Variants in MYZAP observed in about 807,000 individuals in gnomAD.
MYZAP encodes GRINL1A complex locus upstream.
A neutral mutation model predicts 69.4 loss-of-function variants in MYZAP; 66 were observed. The observed-to-expected ratio is 0.95, with a 90% CI of 0.78 to 1.17. The LOEUF is 1.17. MYZAP is among the 50% of genes most tolerant of loss of function. The pLI, the probability that MYZAP is intolerant of heterozygous loss-of-function variation, is 0.00. For missense variants in MYZAP, 611 were observed against 556.2 expected (o/e 1.10, Z -0.99); for synonymous variants, 256 against 205.9 (o/e 1.24, Z -2.09).
intron 10 of MYZAP, among the ~76,000 whole-genome samples, chr15:57,652,047 T>A (rs1000440548): frequency 1.2e-4 from 19 of 152,166 alleles, no homozygotes; most frequent in Non-Finnish European, 2.1e-4. Context: ...AGGAAAAAAT[T>A]GATTAAAATA....
At chr15:57,623,802 TAA>T (rs60114009) in intron 4 of MYZAP, among the ~76,000 whole-genome samples, 2,250 of 132,710 alleles carry the variant, frequency 0.017, 29 homozygotes, top group South Asian at 0.049. Context: ...AGTTGTAAAT[TAA>T]AAAAAAAAAA....
chr15:57,647,940 C>T (rs2037527879), intron 10 of MYZAP: 1 of 985,258 alleles, frequency 1.0e-6, no homozygotes, highest in Non-Finnish European at 1.2e-6. Flanking sequence ...CCTGCCCCGC[C>T]ACCGCTTTCC....
At chr15:57,603,774 G>T (rs1490130335) in intron 1 of MYZAP, among the ~76,000 whole-genome samples, 3 of 152,060 alleles carry the variant, frequency 2.0e-5, no homozygotes, top group Non-Finnish European at 4.4e-5. Flanking sequence ...TGGCTATTGT[G>T]GATAATGCTG....
intron 8 of MYZAP, among the ~76,000 whole-genome samples, chr15:57,634,940 A>G (rs1474836142): frequency 1.3e-5 from 2 of 152,272 alleles, no homozygotes; most frequent in East Asian, 1.9e-4. Context: ...TTCCTCCCAC[A>G]TTATTGTCCT....
rs189442502 is a variant in MYZAP at position 57,683,682 on chromosome 15, C to A, written c.1305-720C>A. On this transcript the variant is annotated intron_variant, in intron 12 of 12. Transcript: ENST00000267853. ...GTTCTGAAGGCTGGGATGTCTAAGACCAAGGTGCCAGCAGATCCAGTGTTT... is the reference window on the plus strand; with the variant it reads ...GTTCTGAAGGCTGGGATGTCTAAGAACAAGGTGCCAGCAGATCCAGTGTTT... Among the ~76,000 whole-genome samples the A allele has an allele frequency of 2.0e-3, 299 of 152,254 alleles. 2 individuals carry two copies. Among genetic ancestry groups the A allele is most frequent in the African/African-American group, 7.0e-3 (289 of 41,566 alleles).
chr15:57,677,956 C>A (rs944075660), intron 12 of MYZAP, among the ~76,000 whole-genome samples: 101 of 150,756 alleles, frequency 6.7e-4, no homozygotes, highest in African/African-American at 2.2e-3. Flanking sequence ...GTATTGCCAG[C>A]ACTTTGGGAG....
intron 10 of MYZAP, chr15:57,646,762 T>TAA (rs2037468058): frequency 2.0e-6 from 2 of 985,374 alleles, no homozygotes; most frequent in South Asian, 9.4e-5. Context: ...AGGACTCTTC[T>TAA]AAGAGGAGTT....
chr15:57,602,706 C>G (rs192674515), intron 1 of MYZAP, among the ~76,000 whole-genome samples: 1 of 152,140 alleles, frequency 6.6e-6, no homozygotes, highest in Non-Finnish European at 1.5e-5. Context: ...AAGTAAGCCC[C>G]GGAGACTGCC....
intron 5 of MYZAP, among the ~76,000 whole-genome samples, chr15:57,626,696 C>T (rs1049148963): frequency 6.6e-6 from 1 of 152,194 alleles, no homozygotes; most frequent in Non-Finnish European, 1.5e-5. Flanking sequence ...GTTCCAAAAC[C>T]TATTTCAAAT....
At chr15:57,650,978 GATGTCCTTC>G (rs1283598417) in intron 10 of MYZAP, among the ~76,000 whole-genome samples, 5 of 152,314 alleles carry the variant, frequency 3.3e-5, no homozygotes, top group Non-Finnish European at 7.3e-5. Flanking sequence ...AGCCAAGAAG[GATGTCCTTC>G]ATCACTCTGC....
At chr15:57,652,627 A>G (rs1302713463) in intron 10 of MYZAP, among the ~76,000 whole-genome samples, 3 of 152,168 alleles carry the variant, frequency 2.0e-5, no homozygotes, top group African/African-American at 7.2e-5. Flanking sequence ...TTGTTAAGAG[A>G]ATTGGAAACA....
chr15:57,654,174 C>T (rs1243513727), intron 10 of MYZAP, among the ~76,000 whole-genome samples: 2 of 152,104 alleles, frequency 1.3e-5, no homozygotes, highest in African/African-American at 2.4e-5. Flanking sequence ...GCCACCTCAG[C>T]CTAATGGCCT....
chr15:57,683,490 C>G (rs1188841867), intron 12 of MYZAP, among the ~76,000 whole-genome samples: 4 of 152,186 alleles, frequency 2.6e-5, no homozygotes, highest in Non-Finnish European at 1.5e-5. Context: ...TGACAAGTCC[C>G]TTGAATGCAT....
intron 6 of MYZAP, 75 bp downstream of exon 6, chr15:57,629,929 T>C (rs1388319094): frequency 1.1e-5 from 17 of 1,520,448 alleles, no homozygotes; most frequent in South Asian, 2.5e-5. Context: ...CTTCCCATCT[T>C]CAACCTTTCC....
At chr15:57,642,634 G>A (rs1381170467) in intron 10 of MYZAP, among the ~76,000 whole-genome samples, 1 of 152,128 alleles carries the variant, frequency 6.6e-6, no homozygotes, top group Non-Finnish European at 1.5e-5. Flanking sequence ...ATGTCCATGA[G>A]GAAACTTAGT....
chr15:57,592,041 C>T lies in MYZAP; in HGVS notation c.7C>T (p.Arg3Cys), dbSNP rs1476122859. 8 of 1,434,302 alleles carry T rather than the reference C, an allele frequency of 5.6e-6. No homozygotes were observed. The highest frequency in any genetic ancestry group is 6.1e-5 in the East Asian group (2 of 32,854). The allele number at this position is 1,434,302 out of a possible 1,614,324, so 88.8% of individuals were successfully genotyped here. A position where few individuals can be genotyped will look rare whatever the true frequency, so the allele number is the denominator to read the frequency against. The change falls in exon 1 of 13, where the codon CGC becomes TGC. Residue 3 changes from arginine to cysteine, a missense_variant. Coordinates refer to ENST00000267853, the MANE Select transcript of MYZAP (RefSeq NM_001018100.5). The stretch of plus-strand genomic sequence containing the variant: ...TACCGACCGCCGCTGCGGGATGCTG[C>T]GCTCCACGTCCACGGTCACCCTGCT... ML[R>C]STSTVTLLSG...
rs79125667 is a variant in MYZAP at position 57,673,444 on chromosome 15, G to A, written c.1204-1524G>A. 7.9e-4 allele frequency among the ~76,000 whole-genome samples: 119 copies of A among 151,090 alleles called. 2 individuals are homozygous for A. In the East Asian group the frequency reaches 0.02, roughly 25 times the overall value. On this transcript the variant is annotated intron_variant, in intron 11 of 12. Transcript: ENST00000267853. The stretch of plus-strand genomic sequence containing the variant: ...TTTCTCTCTCTCTCTCTGTCTGCAC[G>A]TGTGCGCATGCGTGCATGCGTGTGT...
chr15:57,595,156 A>G (rs1366772628), intron 1 of MYZAP, among the ~76,000 whole-genome samples: 1 of 152,186 alleles, frequency 6.6e-6, no homozygotes, highest in Non-Finnish European at 1.5e-5. Flanking sequence ...GCCACCTGCA[A>G]TTTGTATTTC....
intron 12 of MYZAP, among the ~76,000 whole-genome samples, chr15:57,681,559 G>A (rs894860595): frequency 1.3e-5 from 2 of 152,194 alleles, no homozygotes; most frequent in South Asian, 2.1e-4. Context: ...CGAGTTGGGC[G>A]GATCATTTGA....
Sources: allele counts gnomAD v4.1 joint callset (sites outside exome capture counted in the v4.1 genomes callset), GRCh38; gene constraint gnomAD v4.1.1; transcripts MANE v1.5; gene names NCBI Gene and HGNC (gene_info 2026-07-23, HGNC 2026-07-21).